The following BDNF variants were observed in gnomAD, a reference collection of about 807,000 sequenced individuals.
The protein encoded by BDNF is neurotrophic factor BDNF precursor form.
A neutral mutation model predicts 19.5 loss-of-function variants in BDNF; 1 was observed. That is an observed-to-expected ratio of 0.05 (90% CI 0.02 to 0.24). The LOEUF (loss-of-function observed/expected upper bound fraction) is 0.24. Ranked by LOEUF, BDNF falls within the 10% of genes least tolerant of loss-of-function variation. The pLI is 1.00. For synonymous variants in BDNF, 100 were observed against 121.6 expected (o/e 0.82, Z 1.17); for missense variants, 195 against 317.6 (o/e 0.61, Z 2.93).
chr11:27,714,233 C>G (rs1860436696), intron 1 of BDNF, among the ~76,000 whole-genome samples: 1 of 152,132 alleles, frequency 6.6e-6, no homozygotes, highest in Admixed American at 6.5e-5. Context: ...AAGGACAGAT[C>G]TATAGCATTT....
At chr11:27,666,722 AAG>A (rs1854408825) in intron 1 of BDNF, among the ~76,000 whole-genome samples, 1 of 152,218 alleles carries the variant, frequency 6.6e-6, no homozygotes. Context: ...TTAGAGAAAA[AAG>A]AGTAAAAAGA....
chr11:27,690,806 A>C (rs2134016102), intron 1 of BDNF, among the ~76,000 whole-genome samples: 1 of 152,300 alleles, frequency 6.6e-6, no homozygotes, highest in Middle Eastern at 3.4e-3. Flanking sequence ...TCACAATTTA[A>C]GTTTTTTTAG....
chr11:27,699,816 C>G, intron 1 of BDNF: 3 of 847,192 alleles, frequency 3.5e-6, no homozygotes, highest in Non-Finnish European at 4.7e-6. Flanking sequence ...CAGCTCTGGC[C>G]CCCTAAGTCT....
At chr11:27,659,640 T>TGTGA (rs1554932410) in intron 1 of BDNF, 1 of 997,956 alleles carries the variant, frequency 1.0e-6, no homozygotes, top group African/African-American at 1.8e-5. Context: ...TGTGTGTGTG[T>TGTGA]GTGTGTGTGC....
intron 1 of BDNF, among the ~76,000 whole-genome samples, chr11:27,692,853 T>G (rs1324036580): frequency 6.6e-6 from 1 of 152,210 alleles, no homozygotes; most frequent in Non-Finnish European, 1.5e-5. Flanking sequence ...AAAATAAGGA[T>G]GTCAAAAATA....
intron 1 of BDNF, among the ~76,000 whole-genome samples, chr11:27,714,614 A>G (rs919230647): frequency 2.6e-5 from 4 of 152,142 alleles, no homozygotes; most frequent in Non-Finnish European, 5.9e-5. Context: ...CAAATATGTT[A>G]CTTTGATTTT....
intron 1 of BDNF, among the ~76,000 whole-genome samples, chr11:27,694,724 G>A (rs1312970399): frequency 1.4e-5 from 2 of 147,870 alleles, no homozygotes; most frequent in Non-Finnish European, 3.0e-5. Flanking sequence ...GCTTATATTT[G>A]ACTTTATTTT....
upstream of BDNF, chr11:27,701,422 C>T (rs1287140806): frequency 1.9e-6 from 2 of 1,034,574 alleles, no homozygotes; most frequent in African/African-American, 3.4e-5. Flanking sequence ...GGGGAGGGGG[C>T]GCGAGTCTTT....
intron 1 of BDNF, among the ~76,000 whole-genome samples, chr11:27,713,237 G>T (rs1467247621): frequency 6.6e-6 from 1 of 152,130 alleles, no homozygotes; most frequent in East Asian, 1.9e-4. Flanking sequence ...GAAGTTATTG[G>T]CAAGTAAGAA....
intron 1 of BDNF, among the ~76,000 whole-genome samples, chr11:27,672,502 C>T (rs986919240): frequency 1.3e-5 from 2 of 152,176 alleles, no homozygotes; most frequent in African/African-American, 4.8e-5. Flanking sequence ...AGGCAGATTT[C>T]TTATTTCTAG....
At chr11:27,661,680 C>T (rs1853463779) in intron 1 of BDNF, among the ~76,000 whole-genome samples, 1 of 152,220 alleles carries the variant, frequency 6.6e-6, no homozygotes, top group South Asian at 2.1e-4. Flanking sequence ...TGTCTTCTCT[C>T]TGATACTCAA....
chr11:27,715,212 C>T (rs1860466680), intron 1 of BDNF, among the ~76,000 whole-genome samples: 1 of 152,114 alleles, frequency 6.6e-6, no homozygotes, highest in Non-Finnish European at 1.5e-5. Context: ...GCTCATGATC[C>T]ACATAAGTAT....
Position 27,657,247 on chromosome 11 carries a change from C to T in BDNF, c.*574G>A, listed in dbSNP as rs58597651. 0.013 allele frequency: 12,986 copies of T among 984,664 alleles called. 271 individuals carry two copies. Among genetic ancestry groups the T allele is most frequent in the African/African-American group, 0.084 (4,798 of 57,066 alleles). The allele number at this position is 984,664 out of a possible 1,614,324, so 61.0% of individuals were successfully genotyped here. Reference sequence around the variant, plus strand: ...GGAACTAAAAAACAAAACAAACAAACGAAAAAAAAACACAAAACAAACAAA... The same window carrying T: ...GGAACTAAAAAACAAAACAAACAAATGAAAAAAAAACACAAAACAAACAAA... On this transcript the variant is annotated 3_prime_UTR_variant, in exon 2 of 2. Transcript: ENST00000356660. This position sits in a 1 kb window ranked among gnomAD's most constrained non-coding sequence, Gnocchi z 5.0.
rs568531929 is a variant in BDNF, at chr11:27,678,691, A to G, written c.-21-20106T>C. On this transcript the variant is annotated intron_variant, in intron 1 of 1. Transcript: ENST00000356660. Reference sequence around the variant, plus strand: ...TCTGTCATACACAGATAGGCCTCCAACTCACCTCTGAAATCAGATGCAAAC... The same window carrying G: ...TCTGTCATACACAGATAGGCCTCCAGCTCACCTCTGAAATCAGATGCAAAC... Among the ~76,000 whole-genome samples the G allele has an allele frequency of 2.6e-5, 4 of 152,126 alleles. No homozygotes were observed. The South Asian group carries it at 6.2e-4, about 24-fold the overall frequency.
At chr11:27,697,161 AC>A (rs1481583475) in intron 1 of BDNF, among the ~76,000 whole-genome samples, 1 of 105,288 alleles carries the variant, frequency 9.5e-6, no homozygotes, top group African/African-American at 3.1e-5. Flanking sequence ...ACACACACAC[AC>A]ACAGAGAGAG....
At chr11:27,700,051 G>T in intron 1 of BDNF, 113 bp downstream of exon 1, 1 of 936,064 alleles carries the variant, frequency 1.1e-6, no homozygotes, top group Non-Finnish European at 1.3e-6. Flanking sequence ...CGGAGGGGAG[G>T]AAAGAAGGAG....
intron 1 of BDNF, chr11:27,674,126 G>A (rs2133914583): frequency 6.2e-7 from 1 of 1,612,110 alleles, no homozygotes; most frequent in Non-Finnish European, 8.5e-7. Context: ...ACACAGCACA[G>A]CCCTTCTTCT....
chr11:27,720,324 G>A (rs999692981), intron 1 of BDNF: 1 of 985,776 alleles, frequency 1.0e-6, no homozygotes, highest in East Asian at 1.1e-4. Flanking sequence ...GGGATGCAAG[G>A]GGTCCCCGCC....
intron 1 of BDNF, among the ~76,000 whole-genome samples, chr11:27,669,648 C>T (rs1205009642): frequency 6.6e-6 from 1 of 152,124 alleles, no homozygotes; most frequent in Non-Finnish European, 1.5e-5. Flanking sequence ...GAGTGAACTC[C>T]CATTCACAAT....
Sources: allele counts gnomAD v4.1 joint callset (sites outside exome capture counted in the v4.1 genomes callset), GRCh38; gene constraint gnomAD v4.1.1; non-coding constraint Gnocchi (gnomAD v3.1); transcripts MANE v1.5; gene names NCBI Gene and HGNC (gene_info 2026-07-23, HGNC 2026-07-21).